Variants in LRRC37A2 observed in about 807,000 individuals in gnomAD.
LRRC37A2 encodes the protein leucine-rich repeat-containing protein 37A2.
In LRRC37A2, 9 loss-of-function variants were observed where a neutral mutation model predicts 68.8. That is an observed-to-expected ratio of 0.13 (90% CI 0.08 to 0.23). The LOEUF is 0.23. Ranked by LOEUF, LRRC37A2 falls within the 10% of genes least tolerant of loss-of-function variation. The pLI is 1.00. For missense variants in LRRC37A2, 168 were observed against 950.4 expected (o/e 0.18, Z 10.82); for synonymous variants, 63 against 367.6 (o/e 0.17, Z 9.48).
At chr17:46,691,423 C>T in the LRRC37A2 span, among the ~76,000 whole-genome samples, 2 of 113,974 alleles carry the variant, frequency 1.8e-5, no homozygotes, top group Admixed American at 9.3e-5. Context: ...GGTGAAACCC[C>T]GTCTCTACTA....
At chr17:46,838,681 C>T in the LRRC37A2 span, among the ~76,000 whole-genome samples, 1 of 151,966 alleles carries the variant, frequency 6.6e-6, no homozygotes, top group Non-Finnish European at 1.5e-5. Flanking sequence ...AGTACATATA[C>T]ACACACATCC....
At chr17:46,785,048 A>T in the LRRC37A2 span, among the ~76,000 whole-genome samples, 1 of 151,972 alleles carries the variant, frequency 6.6e-6, no homozygotes, top group Non-Finnish European at 1.5e-5. Flanking sequence ...AAGTGCTGGG[A>T]TTACAGGCGT....
the LRRC37A2 span, among the ~76,000 whole-genome samples, chr17:46,716,566 A>G: frequency 2.6e-5 from 4 of 152,108 alleles, no homozygotes; most frequent in African/African-American, 9.6e-5. Flanking sequence ...CTGCACCTCC[A>G]TTTTTAGTGT....
chr17:46,753,666 C>G, the LRRC37A2 span, among the ~76,000 whole-genome samples: 5 of 152,054 alleles, frequency 3.3e-5, no homozygotes, highest in Admixed American at 3.3e-4. Flanking sequence ...AACCCTCATC[C>G]CTTTCCCTTC....
chr17:46,765,681 T>C, the LRRC37A2 span, among the ~76,000 whole-genome samples: 1 of 152,218 alleles, frequency 6.6e-6, no homozygotes, highest in African/African-American at 2.4e-5. Flanking sequence ...CTGGGCCCAT[T>C]GCTCCAGAGC....
the LRRC37A2 span, among the ~76,000 whole-genome samples, chr17:47,001,709 C>CT: frequency 3.6e-5 from 5 of 138,230 alleles, no homozygotes; most frequent in Non-Finnish European, 6.2e-5. Context: ...TTTCTCTTCT[C>CT]TTTTTTCCTT....
At chr17:46,936,044 C>G in the LRRC37A2 span, 1 of 985,722 alleles carries the variant, frequency 1.0e-6, no homozygotes, top group Non-Finnish European at 1.2e-6. Flanking sequence ...CTGAACAGTC[C>G]CTGCCATCTC....
At chr17:46,745,704 G>GT in the LRRC37A2 span, among the ~76,000 whole-genome samples, 1 of 152,172 alleles carries the variant, frequency 6.6e-6, no homozygotes, top group South Asian at 2.1e-4. Flanking sequence ...AGAAGTAACA[G>GT]TTACCTTTAA....
At chr17:46,887,319 A>G in the LRRC37A2 span, among the ~76,000 whole-genome samples, 1 of 152,212 alleles carries the variant, frequency 6.6e-6, no homozygotes, top group Non-Finnish European at 1.5e-5. Flanking sequence ...ATGTCCAAGA[A>G]GAAGGGACAG....
At chr17:46,767,486 A>G in the LRRC37A2 span, among the ~76,000 whole-genome samples, 1 of 152,310 alleles carries the variant, frequency 6.6e-6, no homozygotes, top group East Asian at 1.9e-4. Context: ...CCTCAGGGGT[A>G]GAGGAGACAT....
the LRRC37A2 span, chr17:46,979,121 G>A: frequency 8.9e-7 from 1 of 1,122,880 alleles, no homozygotes; most frequent in South Asian, 2.8e-5. Flanking sequence ...TGCGGTACGG[G>A]GAGGGGACGA....
chr17:46,882,935 C>T, the LRRC37A2 span, among the ~76,000 whole-genome samples: 7 of 152,240 alleles, frequency 4.6e-5, no homozygotes, highest in African/African-American at 1.7e-4. Flanking sequence ...AGGCCATTTC[C>T]TCATACTCCC....
chr17:46,727,356 AT>A, the LRRC37A2 span, among the ~76,000 whole-genome samples: 1 of 152,174 alleles, frequency 6.6e-6, no homozygotes, highest in Non-Finnish European at 1.5e-5. Flanking sequence ...ACATAAATTC[AT>A]TACAACAATG....
the LRRC37A2 span, among the ~76,000 whole-genome samples, chr17:46,979,800 C>CTT: frequency 2.0e-5 from 3 of 151,690 alleles, no homozygotes; most frequent in Non-Finnish European, 2.9e-5. Flanking sequence ...TTTTTTCTTT[C>CTT]TTTTTTACAC....
chr17:46,770,044 G>A, the LRRC37A2 span: 1 of 1,546,146 alleles, frequency 6.5e-7, no homozygotes, highest in Non-Finnish European at 8.7e-7. Context: ...CCGACTCGCG[G>A]GTGGCTGCGG....
the LRRC37A2 span, among the ~76,000 whole-genome samples, chr17:46,798,073 C>T: frequency 4.4e-4 from 67 of 152,214 alleles, no homozygotes; most frequent in Middle Eastern, 0.01. Context: ...GGACCACAGG[C>T]GTGTGCTAAC....
chr17:46,497,387 T>C, the LRRC37A2 span, among the ~76,000 whole-genome samples: 1 of 148,944 alleles, frequency 6.7e-6, no homozygotes, highest in Non-Finnish European at 1.5e-5. Flanking sequence ...TTCTTTTTTC[T>C]GCCTATTTTT....
At chr17:47,036,352 C>G in the LRRC37A2 span, among the ~76,000 whole-genome samples, 2 of 151,568 alleles carry the variant, frequency 1.3e-5, no homozygotes, top group South Asian at 4.2e-4. Context: ...TCATTAAATT[C>G]AAAAGACAAA....
chr17:46,827,594 T>G, the LRRC37A2 span, among the ~76,000 whole-genome samples: 1 of 152,106 alleles, frequency 6.6e-6, no homozygotes, highest in Admixed American at 6.5e-5. Context: ...TGATATGAAA[T>G]AATACATTTT....
Sources: allele counts gnomAD v4.1 joint callset (sites outside exome capture counted in the v4.1 genomes callset), GRCh38; gene constraint gnomAD v4.1.1; transcripts MANE v1.5; gene names NCBI Gene and HGNC (gene_info 2026-07-23, HGNC 2026-07-21).